HDAC9: variants seen among roughly 807,000 people sequenced by gnomAD.
The protein encoded by HDAC9 is MEF-2 interacting transcription repressor (MITR) protein.
HDAC9 carries 41 observed loss-of-function variants against 139.4 expected under a neutral mutation model. The ratio of observed to expected loss-of-function variants is 0.29; its 90% confidence interval spans 0.23 to 0.38. The LOEUF is 0.38. Ranked by LOEUF, HDAC9 falls within the 10% of genes least tolerant of loss-of-function variation. The probability of loss-of-function intolerance (pLI) is 1.00; values close to 1 mark genes in which losing one functional copy is unlikely to be tolerated. For synonymous variants in HDAC9, 517 were observed against 476.2 expected (o/e 1.09, Z -1.12); for missense variants, 1,147 against 1,297.0 (o/e 0.88, Z 1.78).
At chr7:18,390,480 A>G (rs897384791) in intron 1 of HDAC9, among the ~76,000 whole-genome samples, 3 of 152,234 alleles carry the variant, frequency 2.0e-5, no homozygotes, top group African/African-American at 7.2e-5. Flanking sequence ...TTCCTGTCAC[A>G]TCCTAGACCA....
intron 1 of HDAC9, among the ~76,000 whole-genome samples, chr7:18,117,498 A>G (rs1365150322): frequency 7.0e-6 from 1 of 143,664 alleles, no homozygotes; most frequent in Non-Finnish European, 1.5e-5. Flanking sequence ...AAAATAAAAT[A>G]AAAAATTAAA....
At chr7:18,856,273 A>G (rs1797671176) in intron 21 of HDAC9, among the ~76,000 whole-genome samples, 1 of 152,158 alleles carries the variant, frequency 6.6e-6, no homozygotes, top group Non-Finnish European at 1.5e-5. Context: ...ATCTATTCTT[A>G]TCTTAGAAAC....
At chr7:18,896,787 G>T (rs1241122938) in intron 22 of HDAC9, among the ~76,000 whole-genome samples, 1 of 151,990 alleles carries the variant, frequency 6.6e-6, no homozygotes, top group African/African-American at 2.4e-5. Flanking sequence ...TGTGGACCTG[G>T]CTTGTTAGAG....
chr7:18,806,943 T>G (rs1793760257), intron 17 of HDAC9, among the ~76,000 whole-genome samples: 1 of 152,206 alleles, frequency 6.6e-6, no homozygotes, highest in Non-Finnish European at 1.5e-5. Flanking sequence ...CCGGCCTGGT[T>G]TGGGTATCAG....
chr7:18,152,907 A>G (rs1286755129), intron 1 of HDAC9, among the ~76,000 whole-genome samples: 1 of 152,252 alleles, frequency 6.6e-6, no homozygotes, highest in Non-Finnish European at 1.5e-5. Flanking sequence ...TATTCTGGAA[A>G]TTTAGGTGTA....
At chr7:18,156,842 C>T (rs183338963) in intron 1 of HDAC9, among the ~76,000 whole-genome samples, 31 of 152,224 alleles carry the variant, frequency 2.0e-4, no homozygotes, top group Non-Finnish European at 4.1e-4. Context: ...ATTCAAGATA[C>T]GGCTGGGTGT....
chr7:18,903,038 A>G (rs1801875862), intron 22 of HDAC9, among the ~76,000 whole-genome samples: 1 of 152,238 alleles, frequency 6.6e-6, no homozygotes, highest in South Asian at 2.1e-4. Context: ...GGGAATATGA[A>G]CAAATATATT....
intron 1 of HDAC9, among the ~76,000 whole-genome samples, chr7:18,129,975 C>A (rs918373137): frequency 6.6e-6 from 1 of 152,126 alleles, no homozygotes; most frequent in Non-Finnish European, 1.5e-5. Flanking sequence ...GAGATCTACT[C>A]TTGACGATGA....
chr7:18,423,699 T>G (rs939898947), intron 1 of HDAC9, among the ~76,000 whole-genome samples: 1 of 152,206 alleles, frequency 6.6e-6, no homozygotes, highest in Non-Finnish European at 1.5e-5. Context: ...CTAGCATTTG[T>G]AGTCCCAAGC....
chr7:18,478,712 T>G (rs1453938533), intron 1 of HDAC9, among the ~76,000 whole-genome samples: 1 of 152,210 alleles, frequency 6.6e-6, no homozygotes, highest in Non-Finnish European at 1.5e-5. Flanking sequence ...ACTCTAGCCC[T>G]CATTAAATGA....
chr7:18,952,367 T>A (rs1403019213), intron 23 of HDAC9, among the ~76,000 whole-genome samples: 1 of 151,972 alleles, frequency 6.6e-6, no homozygotes, highest in African/African-American at 2.4e-5. Flanking sequence ...ACATATATGA[T>A]CTGCCTATAG....
chr7:18,812,194 G>A (rs544447323), intron 17 of HDAC9, among the ~76,000 whole-genome samples: 2 of 151,922 alleles, frequency 1.3e-5, no homozygotes, highest in African/African-American at 4.8e-5. Flanking sequence ...ATGGATACAA[G>A]GGTCAACAGT....
At chr7:18,492,854 A>G (rs193284748), upstream of HDAC9, among the ~76,000 whole-genome samples, 5 of 152,086 alleles carry the variant, frequency 3.3e-5, no homozygotes, top group East Asian at 9.7e-4. Flanking sequence ...GGTTGTTTTG[A>G]TGATACTTAT....
intron 6 of HDAC9, among the ~76,000 whole-genome samples, chr7:18,626,193 C>T (rs1181606997): frequency 2.6e-5 from 4 of 151,918 alleles, no homozygotes; most frequent in Admixed American, 2.0e-4. Flanking sequence ...GAGCTGGAGC[C>T]CTGGAATAGT....
intron 12 of HDAC9, among the ~76,000 whole-genome samples, chr7:18,677,985 T>C (rs1312009712): frequency 6.6e-6 from 1 of 151,922 alleles, no homozygotes; most frequent in East Asian, 1.9e-4. Context: ...AATTTTTATA[T>C]GATGTGAAGA....
chr7:18,866,688 ATGT>A (rs942704381), intron 21 of HDAC9, among the ~76,000 whole-genome samples: 4 of 152,232 alleles, frequency 2.6e-5, no homozygotes, highest in African/African-American at 7.2e-5. Flanking sequence ...ATAAGTTAAG[ATGT>A]TGTGAAATTT....
intron 12 of HDAC9, among the ~76,000 whole-genome samples, chr7:18,689,495 A>G (rs1161753219): frequency 6.6e-6 from 1 of 151,972 alleles, no homozygotes; most frequent in Non-Finnish European, 1.5e-5. Context: ...TCCCTTTAGG[A>G]ATGTTTTAGG....
chr7:18,121,637 G>A (rs1030365135), intron 1 of HDAC9, among the ~76,000 whole-genome samples: 1 of 151,890 alleles, frequency 6.6e-6, no homozygotes, highest in Non-Finnish European at 1.5e-5. Context: ...TAAGGGAGCA[G>A]TACACAGAGA....
chr7:18,652,374 A>T (rs536077372), intron 11 of HDAC9, among the ~76,000 whole-genome samples: 4 of 152,258 alleles, frequency 2.6e-5, no homozygotes, highest in Non-Finnish European at 4.4e-5. Flanking sequence ...TCAAGTTTAA[A>T]TATTACCACA....
Sources: gnomAD v4.1 joint callset for allele counts (sites outside exome capture counted in the v4.1 genomes callset) on GRCh38, gnomAD v4.1.1 for gene constraint, MANE v1.5 for transcripts, NCBI Gene and HGNC (gene_info 2026-07-23, HGNC 2026-07-21) for gene names.